SLAIN2: variants seen among roughly 807,000 people sequenced by gnomAD.
SLAIN2 encodes the protein SLAIN family member 2.
Under a neutral mutation model 56.6 loss-of-function variants are expected in SLAIN2, and 31 were observed. That is an observed-to-expected ratio of 0.55 (90% CI 0.41 to 0.74). SLAIN2 has a LOEUF of 0.74. SLAIN2 is among the 30% of genes least tolerant of loss of function. The pLI is 0.00. For synonymous variants in SLAIN2, 317 were observed against 284.9 expected, an observed-to-expected ratio of 1.11 and a Z score of -1.13; for missense variants, 777 against 754.2, an observed-to-expected ratio of 1.03 and a Z score of -0.35.
chr4:48,377,202 G>A (rs551618918), intron 2 of SLAIN2, among the ~76,000 whole-genome samples: 372 of 151,054 alleles, frequency 2.5e-3, no homozygotes, highest in African/African-American at 7.7e-3. Flanking sequence ...ATATTTTTTC[G>A]AGACGAGTCT....
chr4:48,388,646 T>A (rs1044189889), intron 6 of SLAIN2, among the ~76,000 whole-genome samples: 1 of 152,188 alleles, frequency 6.6e-6, no homozygotes, highest in African/African-American at 2.4e-5. Context: ...GCCAGATTTC[T>A]CCCTCTTCCC....
chr4:48,410,505 A>C (rs764578159), intron 6 of SLAIN2, among the ~76,000 whole-genome samples: 5 of 152,128 alleles, frequency 3.3e-5, no homozygotes, highest in Non-Finnish European at 7.4e-5. Flanking sequence ...ATCAGTGCCT[A>C]ACCCTAGTCA....
At chr4:48,353,226 G>C (rs146365916) in intron 1 of SLAIN2, among the ~76,000 whole-genome samples, 2 of 152,238 alleles carry the variant, frequency 1.3e-5, no homozygotes, top group African/African-American at 4.8e-5. Context: ...AGAGTCAATG[G>C]AGCACTAACC....
At chr4:48,391,087 C>T (rs973556378) in intron 6 of SLAIN2, among the ~76,000 whole-genome samples, 3 of 152,168 alleles carry the variant, frequency 2.0e-5, no homozygotes, top group Admixed American at 6.5e-5. Flanking sequence ...AGCTCAAAAT[C>T]GCATATAATG....
At chr4:48,364,936 CTT>C (rs1017315958) in intron 1 of SLAIN2, among the ~76,000 whole-genome samples, 1 of 151,384 alleles carries the variant, frequency 6.6e-6, no homozygotes, top group African/African-American at 2.4e-5. Flanking sequence ...AATTCAGTCT[CTT>C]TTATAAGTCT....
Position 48,412,393 on chromosome 4 carries a change from CACACACACACACACACACACACAT to C in SLAIN2, c.1361-7731_1361-7708del, listed in dbSNP as rs773567047. ...ACACACACACACACACACACACACACACACACACACACACACACACACATTCCCTCTCTCTCTCTCTCTCTGTGT... is the reference window on the plus strand; with the variant it reads ...ACACACACACACACACACACACACACTCCCTCTCTCTCTCTCTCTCTGTGT... On this transcript the variant is annotated intron_variant, in intron 6 of 7. Transcript: ENST00000264313. Among the ~76,000 whole-genome samples, 353 of 58,022 alleles carry C rather than the reference CACACACACACACACACACACACAT, an allele frequency of 6.1e-3. 8 individuals carry two copies. Among genetic ancestry groups the C allele is most frequent in the Middle Eastern group, 0.042 (5 of 120 alleles). 38.1% of individuals were successfully genotyped at this position (58,022 alleles called of 152,430 possible).
intron 1 of SLAIN2, among the ~76,000 whole-genome samples, chr4:48,369,182 G>A (rs1715602405): frequency 6.6e-6 from 1 of 152,062 alleles, no homozygotes; most frequent in African/African-American, 2.4e-5. Context: ...GACATAATCT[G>A]GATTAATCTG....
At chr4:48,421,296 TTTGTTTGTTTG>T (rs1381434130) in intron 7 of SLAIN2, among the ~76,000 whole-genome samples, 1 of 152,156 alleles carries the variant, frequency 6.6e-6, no homozygotes, top group Non-Finnish European at 1.5e-5. Flanking sequence ...TGCTGGTTTT[TTTGTTTGTTTG>T]TTGTTTGTTT....
At chr4:48,360,611 CATAA>C (rs1195676825) in intron 1 of SLAIN2, among the ~76,000 whole-genome samples, 1 of 152,036 alleles carries the variant, frequency 6.6e-6, no homozygotes, top group Admixed American at 6.6e-5. Context: ...TTAAAAAAAA[CATAA>C]ATAGATAAGA....
rs573010232 is a variant in SLAIN2, at chr4:48,422,642, T to C, written c.*565T>C. ...GGCTAGAGATTAAAACATTCCTAAA[T>C]TTAGCAGAATTTCAGAAATGATTTT... is the stretch of plus-strand genomic sequence containing the variant. On this transcript the variant is annotated 3_prime_UTR_variant, in exon 8 of 8. Transcript: ENST00000264313. 3.9e-5 allele frequency: 6 copies of C among 152,318 alleles called. No homozygotes were observed. Among genetic ancestry groups the C allele is most frequent in the African/African-American group, 1.2e-4 (5 of 41,566 alleles). 9.4% of individuals were successfully genotyped at this position (152,318 alleles called of 1,614,324 possible).
chr4:48,363,822 C>T (rs1231434311), intron 1 of SLAIN2, among the ~76,000 whole-genome samples: 4 of 137,876 alleles, frequency 2.9e-5, no homozygotes, highest in African/African-American at 8.2e-5. Flanking sequence ...CCCTCCCGGA[C>T]GGGGTGGCTG....
chr4:48,408,501 C>T (rs1716761692), intron 6 of SLAIN2, among the ~76,000 whole-genome samples: 2 of 120,236 alleles, frequency 1.7e-5, no homozygotes, highest in Non-Finnish European at 1.6e-5. Flanking sequence ...TAGGCTTAGG[C>T]TTATGTGTGT....
intron 6 of SLAIN2, among the ~76,000 whole-genome samples, chr4:48,418,014 G>A (rs1209159832): frequency 2.6e-5 from 4 of 151,346 alleles, no homozygotes. Flanking sequence ...TAGATTCATT[G>A]GGATTTTCTG....
chr4:48,379,895 A>G (rs1437582559), intron 4 of SLAIN2, 47 bp downstream of exon 4: 1 of 1,384,242 alleles, frequency 7.2e-7, no homozygotes, highest in East Asian at 2.6e-5. Flanking sequence ...CTATTGCATA[A>G]TTTTGTTGTA....
chr4:48,369,278 T>C (rs1715605619), intron 1 of SLAIN2, among the ~76,000 whole-genome samples: 1 of 152,232 alleles, frequency 6.6e-6, no homozygotes, highest in Non-Finnish European at 1.5e-5. Context: ...TGTTAGCTTA[T>C]AAAATACTGT....
Position 48,397,097 on chromosome 4 carries a change from C to T in SLAIN2, c.1360+13313C>T, listed in dbSNP as rs1242427700. Among the ~76,000 whole-genome samples the T allele has an allele frequency of 2.6e-5, 4 of 152,142 alleles. No individual in the cohort carries two copies. The South Asian group carries it at 8.3e-4, about 32-fold the overall frequency. On this transcript the variant is annotated intron_variant, in intron 6 of 7. Coordinates refer to ENST00000264313, the MANE Select transcript of SLAIN2 (RefSeq NM_020846.2). ...TGCTTTGAGAAAGATTTTATTCATTCCCTGTTGTTGGGCACTGAGTGAAGT... is the reference window on the plus strand; with the variant it reads ...TGCTTTGAGAAAGATTTTATTCATTTCCTGTTGTTGGGCACTGAGTGAAGT...
rs775967665 is a variant in SLAIN2, at chr4:48,379,696, T to C, written c.710T>C (p.Leu237Ser). ...QLILPGNSGNLKSSDRNPPLS... is the reference protein window; with the variant it reads ...QLILPGNSGNSKSSDRNPPLS... ...TTCTTTTTTTTTTTTTAAGGTAACTTGAAAAGCTCAGACAGAAATCCTCCA... is the reference window on the plus strand; with the variant it reads ...TTCTTTTTTTTTTTTTAAGGTAACTCGAAAAGCTCAGACAGAAATCCTCCA... Residue 237 changes from leucine to serine, a missense_variant, in exon 4 of 8, where the codon TTG (leucine) becomes TCG (serine). Physicochemically the swap from Leu to Ser is moderately radical, Grantham distance 145. Coordinates refer to ENST00000264313, the MANE Select transcript of SLAIN2 (RefSeq NM_020846.2). The C allele has an allele frequency of 6.3e-6, 9 of 1,432,106 alleles. No homozygotes were observed. Among genetic ancestry groups the C allele is most frequent in the Non-Finnish European group, 9.2e-7 (1 of 1,088,594 alleles). 88.7% of individuals were successfully genotyped at this position (1,432,106 alleles called of 1,614,324 possible).
chr4:48,399,484 A>G (rs550151678), intron 6 of SLAIN2, among the ~76,000 whole-genome samples: 3 of 152,270 alleles, frequency 2.0e-5, no homozygotes, highest in East Asian at 1.9e-4. Context: ...TCCTGTTTGA[A>G]TACGCTTTAT....
At chr4:48,358,337 G>C (rs1193278599) in intron 1 of SLAIN2, among the ~76,000 whole-genome samples, 1 of 95,974 alleles carries the variant, frequency 1.0e-5, no homozygotes, top group Admixed American at 1.0e-4. Flanking sequence ...TTTTTTTTTT[G>C]AGACGGAGTT....
Sources: gnomAD v4.1 joint callset for allele counts (sites outside exome capture counted in the v4.1 genomes callset) on GRCh38, gnomAD v4.1.1 for gene constraint, MANE v1.5 for transcripts, NCBI Gene and HGNC (gene_info 2026-07-23, HGNC 2026-07-21) for gene names.